The following PRDM16 variants were observed in gnomAD, a reference collection of about 807,000 sequenced individuals.
The protein encoded by PRDM16 is PR/SET domain 16, also known as histone-lysine N-methyltransferase PRDM16.
PRDM16 carries 23 observed loss-of-function variants against 110.6 expected under a neutral mutation model. The ratio of observed to expected loss-of-function variants is 0.21; its 90% CI spans 0.15 to 0.29. The LOEUF (loss-of-function observed/expected upper bound fraction) is 0.29. PRDM16 is among the 10% of genes least tolerant of loss of function. PRDM16 has a pLI of 1.00. For synonymous variants in PRDM16, 799 were observed against 781.8 expected, an observed-to-expected ratio of 1.02 and a Z score of -0.37; for missense variants, 1,615 against 1,794.3, an observed-to-expected ratio of 0.90 and a Z score of 1.81.
chr1:3,106,221 G>T (rs1188580037), intron 1 of PRDM16, among the ~76,000 whole-genome samples: 1 of 152,260 alleles, frequency 6.6e-6, no homozygotes, highest in African/African-American at 2.4e-5. Flanking sequence ...TGAGCAGGTG[G>T]CCAGGTCTGC....
chr1:3,286,155 C>T (rs1640838722), intron 3 of PRDM16, among the ~76,000 whole-genome samples: 1 of 152,218 alleles, frequency 6.6e-6, no homozygotes, highest in African/African-American at 2.4e-5. Context: ...CATCCACAGG[C>T]ACTGGGGCCT....
chr1:3,199,028 C>T (rs958501378), intron 2 of PRDM16, among the ~76,000 whole-genome samples: 1 of 152,136 alleles, frequency 6.6e-6, no homozygotes, highest in South Asian at 2.1e-4. Context: ...TCGAAATGAC[C>T]TTTTACAAGT....
chr1:3,414,264 G>C (rs1262234258), intron 9 of PRDM16, among the ~76,000 whole-genome samples: 1 of 152,172 alleles, frequency 6.6e-6, no homozygotes, highest in Non-Finnish European at 1.5e-5. Context: ...GTCTTTGAAG[G>C]CCCTCGAGGG....
chr1:3,344,591 T>G (rs1642328397), intron 3 of PRDM16, among the ~76,000 whole-genome samples: 1 of 152,190 alleles, frequency 6.6e-6, no homozygotes, highest in Admixed American at 6.5e-5. Flanking sequence ...CTGTGCACAT[T>G]TAGTAATTTT....
intron 2 of PRDM16, among the ~76,000 whole-genome samples, chr1:3,233,160 A>T (rs990095776): frequency 1.3e-5 from 2 of 152,122 alleles, no homozygotes; most frequent in South Asian, 4.1e-4. Context: ...GCCCTGGAGG[A>T]GTGCCAGTGA....
At chr1:3,182,327 G>A (rs1282515424) in intron 1 of PRDM16, among the ~76,000 whole-genome samples, 1 of 152,226 alleles carries the variant, frequency 6.6e-6, no homozygotes, top group East Asian at 1.9e-4. Flanking sequence ...CCCTCTGAGG[G>A]CACTGCTCGT....
At position 3,256,817 on chromosome 1, in the gene PRDM16, A is replaced by T. The variant is rs74757721; in HGVS notation, c.438+12680A>T. ...GCTTGCAGTGAGCCGAGATGGCACC[A>T]CTGCACTCCAGCCTGGGCGACAGAG... On this transcript the variant is annotated intron_variant, in intron 3 of 16. Coordinates refer to ENST00000270722, the MANE Select transcript of PRDM16 (RefSeq NM_022114.4). Among the ~76,000 whole-genome samples, 2,309 of 152,244 alleles carry T rather than the reference A, an allele frequency of 0.015. 125 individuals are homozygous for T. In the East Asian group the frequency reaches 0.16, roughly 11 times the overall value.
At chr1:3,362,057 T>C (rs1332767129) in intron 3 of PRDM16, among the ~76,000 whole-genome samples, 3 of 152,090 alleles carry the variant, frequency 2.0e-5, no homozygotes, top group Non-Finnish European at 4.4e-5. Context: ...TGTCTGCTGG[T>C]AGCCAGCTGG....
intron 1 of PRDM16, among the ~76,000 whole-genome samples, chr1:3,105,512 G>A (rs1415910191): frequency 6.6e-6 from 1 of 152,202 alleles, no homozygotes; most frequent in Non-Finnish European, 1.5e-5. Flanking sequence ...GACGGTCACC[G>A]GTCTGGACCC....
intron 1 of PRDM16, among the ~76,000 whole-genome samples, chr1:3,120,149 C>T (rs549075726): frequency 2.6e-5 from 4 of 152,138 alleles, no homozygotes; most frequent in Admixed American, 6.5e-5. Context: ...CAGCCCTCAC[C>T]GTCGGCAGAG....
chr1:3,376,312 C>T (rs4648488), intron 3 of PRDM16, among the ~76,000 whole-genome samples: 54,693 of 152,092 alleles, frequency 0.36, 10,828 homozygotes, highest in East Asian at 0.65. Flanking sequence ...TAGCGCGTTG[C>T]ATTCCTCAGA....
In PRDM16 at chr1:3,417,954, T is replaced by TA; in HGVS notation, c.2818_2819insA (p.Ser940TyrfsTer43). On this transcript the variant is annotated frameshift_variant, in exon 11 of 17. Transcript: ENST00000270722. LOFTEE classifies it high-confidence loss of function. ...CTTCCGGTCCCCACCCCCAACGCTC[T>TA]CCGACCCCATCCTCAGGAAGGGCAA... 1 of 1,576,118 alleles carries TA rather than the reference T, an allele frequency of 6.3e-7. No homozygotes were observed. The highest frequency in any genetic ancestry group is 8.6e-7 in the Non-Finnish European group (1 of 1,157,116).
rs1638785745 is a variant in PRDM16, at chr1:3,432,147, A to AC, written c.3696+10dup. On this transcript the variant is annotated splice_region_variant and intron_variant, in intron 16 of 16. Transcript: ENST00000270722. Reference sequence around the variant, plus strand: ...CAGGCAGGCTAAGAACCAGGTAGGTACCCGCCAGAGCCCCTCCCCCACCCC... The same window carrying AC: ...CAGGCAGGCTAAGAACCAGGTAGGTACCCCGCCAGAGCCCCTCCCCCACCCC... The AC allele has an allele frequency of 6.2e-7, 1 of 1,610,828 alleles. No individual in the cohort carries two copies. The highest frequency in any genetic ancestry group is 1.1e-5 in the South Asian group (1 of 90,874).
At chr1:3,139,339 TG>T (rs1643501547) in intron 1 of PRDM16, among the ~76,000 whole-genome samples, 1 of 152,224 alleles carries the variant, frequency 6.6e-6, no homozygotes, top group Non-Finnish European at 1.5e-5. Context: ...AGAGCAGGGC[TG>T]GGGCTGCCCT....
intron 4 of PRDM16, 145 bp downstream of exon 4, chr1:3,385,431 T>C: frequency 5.7e-6 from 5 of 870,430 alleles, no homozygotes; most frequent in Middle Eastern, 2.8e-4. Flanking sequence ...GTGGGGGTGC[T>C]GTTTGGTGCT....
At chr1:3,167,009 C>A (rs1643964982) in intron 1 of PRDM16, among the ~76,000 whole-genome samples, 1 of 152,140 alleles carries the variant, frequency 6.6e-6, no homozygotes. Flanking sequence ...GAACACGCAC[C>A]CTCCAACTGC....
At chr1:3,084,348 C>T (rs1296637719) in intron 1 of PRDM16, among the ~76,000 whole-genome samples, 1 of 152,116 alleles carries the variant, frequency 6.6e-6, no homozygotes, top group African/African-American at 2.4e-5. Context: ...AGCATGGGGC[C>T]CAGTAAGAAG....
At chr1:3,169,383 C>A (rs893974216) in intron 1 of PRDM16, among the ~76,000 whole-genome samples, 12 of 152,130 alleles carry the variant, frequency 7.9e-5, no homozygotes, top group Non-Finnish European at 1.5e-4. Flanking sequence ...GGAGCCCCGT[C>A]CCTAGCGACT....
chr1:3,075,972 G>A (rs528049145), intron 1 of PRDM16, among the ~76,000 whole-genome samples: 21 of 152,344 alleles, frequency 1.4e-4, no homozygotes, highest in African/African-American at 5.1e-4. Context: ...CACTAGGCTT[G>A]ACCAAGAGTG....
Sources: allele counts gnomAD v4.1 joint callset (sites outside exome capture counted in the v4.1 genomes callset), GRCh38; gene constraint gnomAD v4.1.1; transcripts MANE v1.5; gene names NCBI Gene and HGNC (gene_info 2026-07-23, HGNC 2026-07-21).